PLEKHG2: variants seen among roughly 807,000 people sequenced by gnomAD.
PLEKHG2 encodes the protein pleckstrin homology and RhoGEF domain containing G2, also known as pleckstrin homology domain-containing family G member 2.
PLEKHG2 carries 71 observed loss-of-function variants against 104.4 expected under a neutral mutation model. That is an observed-to-expected ratio of 0.68 (90% CI 0.56 to 0.83). PLEKHG2 has a LOEUF of 0.83. Ranked by LOEUF, PLEKHG2 falls within the 40% of genes least tolerant of loss-of-function variation. The pLI is 0.00. For synonymous variants in PLEKHG2, 728 were observed against 737.0 expected (o/e 0.99, Z 0.20); for missense variants, 1,730 against 1,809.4 (o/e 0.96, Z 0.80).
At position 39,417,985 on chromosome 19, in the gene PLEKHG2, A is replaced by C; in HGVS notation, c.963A>C (p.Arg321=). Residue 321 remains arginine (R), a synonymous_variant, in exon 9 of 19, where the codon CGA becomes CGC. Transcript: ENST00000425673. ...AACTGGTGTTGGAGGGCGCGTTCCG[A>C]GGAGGCGGAGGGGGTGGCCCCCGGC... ...FGELVLEGAF[R]GGGGGGPRLR... 1.3e-6 allele frequency: 2 copies of C among 1,552,452 alleles called. No individual in the cohort carries two copies. The highest frequency in any genetic ancestry group is 1.7e-6 in the Non-Finnish European group (2 of 1,150,386).
At position 39,419,566 on chromosome 19, in the gene PLEKHG2, A is replaced by T. The variant is rs570820318; in HGVS notation, c.1263+563A>T. 5.3e-5 allele frequency among the ~76,000 whole-genome samples: 8 copies of T among 151,194 alleles called. 1 individual carries two copies. Among genetic ancestry groups the T allele is most frequent in the African/African-American group, 1.9e-4 (8 of 41,042 alleles). ...AGAGCAGCCTGACCGACATGGAGAA[A>T]CCCCATCTCTACTAAAAAATACAAA... On this transcript the variant is annotated intron_variant, in intron 11 of 18. Coordinates refer to ENST00000425673, the MANE Select transcript of PLEKHG2 (RefSeq NM_022835.3).
At chr19:39,421,207 A>C (rs1162615702) in intron 15 of PLEKHG2, 76 bp from the exon 16 acceptor site, 24 of 1,612,346 alleles carry the variant, frequency 1.5e-5, no homozygotes, top group Non-Finnish European at 2.0e-5. Flanking sequence ...GCTTCAGCTC[A>C]TCAGTTATGG....
Position 39,413,835 on chromosome 19 carries a change from T to A in PLEKHG2, c.-22-230T>A, listed in dbSNP as rs1467663453. 1 of 296,122 alleles carries A rather than the reference T, an allele frequency of 3.4e-6. No individual in the cohort carries two copies. The highest frequency in any genetic ancestry group is 6.3e-5 in the East Asian group (1 of 15,946). 18.3% of individuals were successfully genotyped at this position (296,122 alleles called of 1,614,324 possible). A position where few individuals can be genotyped will look rare whatever the true frequency, so the allele number is the denominator to read the frequency against. On this transcript the variant is annotated intron_variant, in intron 1 of 18. Coordinates refer to ENST00000425673, the MANE Select transcript of PLEKHG2 (RefSeq NM_022835.3). This position sits in a 1 kb window ranked among gnomAD's most constrained non-coding sequence, Gnocchi z 4.5. ...CCAGACAAACGGGACTCGCAGCTTC[T>A]GCGCCTCCTGCTCCGCTCACTCTTC...
intron 15 of PLEKHG2, 46 bp from the exon 16 acceptor site, chr19:39,421,237 T>C: frequency 6.2e-7 from 1 of 1,613,388 alleles, no homozygotes. Context: ...TCTTTTTCCC[T>C]TACATCTCAC....
In PLEKHG2 at chr19:39,418,049, A is replaced by G. The variant is rs2078637192; in HGVS notation, c.1027A>G (p.Met343Val). The G allele has an allele frequency of 1.9e-6, 3 of 1,549,020 alleles. No homozygotes were observed. The highest frequency in any genetic ancestry group is 1.7e-6 in the Non-Finnish European group (2 of 1,147,914). Residue 343 changes from methionine to valine, a missense_variant, in exon 9 of 19, where the codon ATG becomes GTG. Transcript: ENST00000425673. ...GERLLFLFSR[M>V]LLVAKRRGLE... ...GCGGCTGCTCTTCCTGTTCTCTCGGATGCTGCTGGTGGCCAAGCGCAGGGG... is the reference window on the plus strand; with the variant it reads ...GCGGCTGCTCTTCCTGTTCTCTCGGGTGCTGCTGGTGGCCAAGCGCAGGGG...
At position 39,425,381 on chromosome 19, in the gene PLEKHG2, C is replaced by T. The variant is rs535271906; in HGVS notation, c.*87C>T. ...TTGACCTGGAAGTCCAGACACTGAACGCAGGCCTCAAAACTGCTGCGGCCT... is the reference window on the plus strand; with the variant it reads ...TTGACCTGGAAGTCCAGACACTGAATGCAGGCCTCAAAACTGCTGCGGCCT... On this transcript the variant is annotated 3_prime_UTR_variant, in exon 19 of 19. Transcript: ENST00000425673. The T allele has an allele frequency of 6.0e-6, 9 of 1,502,422 alleles. No individual in the cohort carries two copies. The South Asian group carries it at 8.0e-5, about 13-fold the overall frequency. The allele number at this position is 1,502,422 out of a possible 1,614,324, so 93.1% of individuals were successfully genotyped here. A position where few individuals can be genotyped will look rare whatever the true frequency, so the allele number is the denominator to read the frequency against.
At chr19:39,422,531 A>C (rs1415131609) in intron 17 of PLEKHG2, among the ~76,000 whole-genome samples, 1 of 150,886 alleles carries the variant, frequency 6.6e-6, no homozygotes, top group African/African-American at 2.4e-5. Flanking sequence ...GCACCCGCCA[A>C]CACACCCGGC....
chr19:39,422,264 T>C lies in PLEKHG2; in HGVS notation c.1653T>C (p.Asn551=). 1 of 1,613,058 alleles carries C rather than the reference T, an allele frequency of 6.2e-7. No homozygotes were observed. Residue 551 remains asparagine (N), a synonymous_variant, in exon 17 of 19, where the codon AAT becomes AAC. Coordinates refer to ENST00000425673, the MANE Select transcript of PLEKHG2 (RefSeq NM_022835.3). ...CTGAAGAAATCCTGGAACTGCTGAA[T>C]CAGCGAGGCCTTCGAGATCCAGGGG... ...SITEEILELL[N]QRGLRDPGPS...
intron 11 of PLEKHG2, among the ~76,000 whole-genome samples, chr19:39,419,600 G>A (rs553390835): frequency 2.6e-5 from 4 of 151,886 alleles, no homozygotes; most frequent in African/African-American, 7.2e-5. Flanking sequence ...AAATTAGGCC[G>A]GGCGCGGTGG....
In PLEKHG2 at chr19:39,420,756, C is replaced by T; in HGVS notation, c.1303C>T (p.Pro435Ser). 1 of 1,614,114 alleles carries T rather than the reference C, an allele frequency of 6.2e-7. No individual in the cohort carries two copies. The highest frequency in any genetic ancestry group is 8.5e-7 in the Non-Finnish European group (1 of 1,180,016). ...VLLENSLHCA[P>S]KSKPVLEPLT... is the part of the protein sequence containing the mutation. Reference sequence around the variant, plus strand: ...CCCCAAAACTCTCCCCACAGGTGCCCCCAAAAGTAAGCCTGTCCTAGAGCC... The same window carrying T: ...CCCCAAAACTCTCCCCACAGGTGCCTCCAAAAGTAAGCCTGTCCTAGAGCC... Residue 435 changes from proline to serine, a missense_variant, in exon 13 of 19, where the codon CCC becomes TCC. Pro to Ser is a moderately conservative substitution (Grantham distance 74). Coordinates refer to ENST00000425673, the MANE Select transcript of PLEKHG2 (RefSeq NM_022835.3).
At position 39,415,212 on chromosome 19, in the gene PLEKHG2, C is replaced by T. The variant is rs764463005; in HGVS notation, c.330C>T (p.Ile110=). The T allele has an allele frequency of 1.8e-5, 28 of 1,583,742 alleles. No homozygotes were observed. Among genetic ancestry groups the T allele is most frequent in the Non-Finnish European group, 2.2e-5 (26 of 1,164,278 alleles). The change falls in exon 3 of 19, where the codon ATC becomes ATT. Residue 110 remains isoleucine, a synonymous_variant. Coordinates refer to ENST00000425673, the MANE Select transcript of PLEKHG2 (RefSeq NM_022835.3). The surrounding 1 kb of genome is among the most constrained non-coding windows in gnomAD (Gnocchi z 4.6). The stretch of plus-strand genomic sequence containing the variant: ...GGCTGGAGCGTGTGGCCCGGGAGAT[C>T]GTGGAGACAGAACGGGCCTATGTCA... ...PSRLERVARE[I]VETERAYVRD...
intron 15 of PLEKHG2, 82 bp downstream of exon 15, chr19:39,421,195 T>A: frequency 6.2e-7 from 1 of 1,612,168 alleles, no homozygotes; most frequent in South Asian, 1.1e-5. Flanking sequence ...GGAGGGGTGG[T>A]TGCTTCAGCT....
chr19:39,417,878 C>T (rs754032985), intron 8 of PLEKHG2, 27 bp from the exon 9 acceptor site: 1 of 1,527,766 alleles, frequency 6.5e-7, no homozygotes, highest in South Asian at 1.2e-5. Flanking sequence ...TCTCTGCGCC[C>T]CGGCGCACCT....
rs1219417697 is a variant in PLEKHG2 at position 39,423,091 on chromosome 19, C to T, written c.2037C>T (p.Asn679=). ...PCLPAIPSVP[N]TPSLSSTPTL... is the part of the protein sequence containing the mutation. ...TTCCAGCCATACCTAGTGTCCCCAA[C>T]ACCCCCAGTCTGTCTAGCACTCCCA... The change falls in exon 18 of 19, where the codon AAC becomes AAT. Residue 679 remains asparagine, a synonymous_variant. Transcript: ENST00000425673. 2.5e-6 allele frequency: 4 copies of T among 1,614,070 alleles called. No homozygotes were observed. The highest frequency in any genetic ancestry group is 3.3e-5 in the Admixed American group (2 of 60,008).
In PLEKHG2 at chr19:39,426,140, C is replaced by G. The variant is rs938590809; in HGVS notation, c.*846C>G. ...CATACCCCATCCCTCCCTCACTGGACTCTCCGGGGTCTTAGTACTATGATA... is the reference window on the plus strand; with the variant it reads ...CATACCCCATCCCTCCCTCACTGGAGTCTCCGGGGTCTTAGTACTATGATA... On this transcript the variant is annotated 3_prime_UTR_variant, in exon 19 of 19. Transcript: ENST00000425673. The G allele has an allele frequency of 6.6e-6, 1 of 152,304 alleles. No homozygotes were observed. The highest frequency in any genetic ancestry group is 2.4e-5 in the African/African-American group (1 of 41,436). The allele number at this position is 152,304 out of a possible 1,614,324, so 9.4% of individuals were successfully genotyped here. A position where few individuals can be genotyped will look rare whatever the true frequency, so the allele number is the denominator to read the frequency against.
chr19:39,417,335 T>C (rs939257075), intron 7 of PLEKHG2, among the ~76,000 whole-genome samples: 3 of 151,492 alleles, frequency 2.0e-5, no homozygotes, highest in Non-Finnish European at 2.9e-5. Context: ...GTATTTTTAA[T>C]AGGGACGGGG....
Position 39,416,405 on chromosome 19 carries a change from C to T in PLEKHG2, c.537C>T (p.Phe179=), listed in dbSNP as rs1428215208. ...SSSAGGIAEC[F]VQRSEDFDIY... The stretch of plus-strand genomic sequence containing the variant: ...GCGCCGGGGGTATTGCCGAGTGCTT[C>T]GTGCAGAGGGTGAGTGGAGGGGTGG... The change falls in exon 5 of 19, where the codon TTC becomes TTT. Residue 179 remains phenylalanine (F), a synonymous_variant. Coordinates refer to ENST00000425673, the MANE Select transcript of PLEKHG2 (RefSeq NM_022835.3). This position sits in a 1 kb window ranked among gnomAD's most constrained non-coding sequence, Gnocchi z 4.5. The T allele has an allele frequency of 1.9e-6, 3 of 1,611,870 alleles. No individual in the cohort carries two copies. The highest frequency in any genetic ancestry group is 1.1e-5 in the South Asian group (1 of 90,988).
chr19:39,414,876 G>T (rs542504784), intron 2 of PLEKHG2, 116 bp from the exon 3 acceptor site: 10 of 1,208,250 alleles, frequency 8.3e-6, no homozygotes, highest in African/African-American at 1.5e-5. Flanking sequence ...GGAGGAAGGA[G>T]CCTGTGGGAA....
chr19:39,415,001 C>A lies in PLEKHG2; in HGVS notation c.119C>A (p.Ala40Asp), dbSNP rs760941281. The A allele has an allele frequency of 2.5e-6, 4 of 1,595,310 alleles. No homozygotes were observed. The highest frequency in any genetic ancestry group is 3.4e-6 in the Non-Finnish European group (4 of 1,168,988). The change falls in exon 3 of 19, where the codon GCC (alanine) becomes GAC (aspartate). Residue 40 changes from alanine to aspartate, a missense_variant. Physicochemically the swap from Ala to Asp is moderately radical, Grantham distance 126 (BLOSUM62 -2). Transcript: ENST00000425673. This position sits in a 1 kb window ranked among gnomAD's most constrained non-coding sequence, Gnocchi z 4.6. ...TVCETRTAPA[A>D]PTMASPRGSG... Reference sequence around the variant, plus strand: ...TTCCACACCCCAGCAGCTCCTGCAGCCCCCACCATGGCCTCCCCCCGAGGT... The same window carrying A: ...TTCCACACCCCAGCAGCTCCTGCAGACCCCACCATGGCCTCCCCCCGAGGT...
Sources: gnomAD v4.1 joint callset for allele counts (sites outside exome capture counted in the v4.1 genomes callset) on GRCh38, gnomAD v4.1.1 for gene constraint, Gnocchi (gnomAD v3.1) non-coding constraint, MANE v1.5 for transcripts, NCBI Gene and HGNC (gene_info 2026-07-23, HGNC 2026-07-21) for gene names.